Variants in CCDC138 observed in about 807,000 individuals in gnomAD.
CCDC138 encodes the protein coiled-coil domain-containing protein 138.
A neutral mutation model predicts 82.3 loss-of-function variants in CCDC138; 66 were observed. The ratio of observed to expected loss-of-function variants is 0.80; its 90% CI spans 0.66 to 0.98. The LOEUF is 0.98. CCDC138 is among the 50% of genes least tolerant of loss of function. The pLI, the probability that CCDC138 is intolerant of heterozygous loss-of-function variation, is 0.00. For synonymous variants in CCDC138, 297 were observed against 265.4 expected (o/e 1.12, Z -1.16); for missense variants, 816 against 758.9 (o/e 1.08, Z -0.88).
intron 1 of CCDC138, among the ~76,000 whole-genome samples, chr2:108,787,660 T>C (rs1045890839): frequency 6.6e-6 from 1 of 152,234 alleles, no homozygotes; most frequent in Non-Finnish European, 1.5e-5. Flanking sequence ...ATTGTCCTTT[T>C]TGTTGCCTTT....
chr2:108,790,977 A>G (rs891483366), intron 3 of CCDC138, among the ~76,000 whole-genome samples: 12 of 151,818 alleles, frequency 7.9e-5, no homozygotes, highest in African/African-American at 2.7e-4. Context: ...GTCCAGGCTG[A>G]TCTTGAACTC....
chr2:108,835,495 A>G (rs918917548), intron 10 of CCDC138, among the ~76,000 whole-genome samples: 1 of 152,222 alleles, frequency 6.6e-6, no homozygotes, highest in African/African-American at 2.4e-5. Context: ...CAGCGATATG[A>G]TAACACATGA....
intron 13 of CCDC138, among the ~76,000 whole-genome samples, chr2:108,870,264 G>T (rs1197616192): frequency 6.6e-6 from 1 of 152,104 alleles, no homozygotes; most frequent in Non-Finnish European, 1.5e-5. Context: ...ACAGGCAAAA[G>T]AAAGAATCAG....
chr2:108,847,403 C>G lies in CCDC138; in HGVS notation c.1516+473C>G, dbSNP rs372039767. 5.3e-5 allele frequency among the ~76,000 whole-genome samples: 8 copies of G among 152,264 alleles called. No individual in the cohort carries two copies. The East Asian group carries it at 1.2e-3, about 22-fold the overall frequency. On this transcript the variant is annotated intron_variant, in intron 12 of 14. Coordinates refer to ENST00000295124, the MANE Select transcript of CCDC138 (RefSeq NM_144978.3). ...TGGCAGCAGAGACTGTATGGCCCCC[C>G]AAAGCCTATAATACTGTCATCTGGC... is the stretch of plus-strand genomic sequence containing the variant.
At chr2:108,851,425 C>G (rs1022211071) in intron 12 of CCDC138, among the ~76,000 whole-genome samples, 8 of 152,136 alleles carry the variant, frequency 5.3e-5, no homozygotes, top group African/African-American at 1.9e-4. Flanking sequence ...CCTCAGCCTC[C>G]CGAGTAGCTG....
intron 11 of CCDC138, among the ~76,000 whole-genome samples, chr2:108,845,415 G>A (rs1227627314): frequency 6.6e-6 from 1 of 151,886 alleles, no homozygotes; most frequent in African/African-American, 2.4e-5. Context: ...GGAACCAGTT[G>A]GTCACAAATT....
At chr2:108,870,655 A>G (rs1695091270) in intron 13 of CCDC138, among the ~76,000 whole-genome samples, 1 of 152,238 alleles carries the variant, frequency 6.6e-6, no homozygotes, top group South Asian at 2.1e-4. Context: ...AGTCTAAGAA[A>G]TGAAGTTCTG....
At chr2:108,795,410 G>A (rs2149492867) in intron 5 of CCDC138, among the ~76,000 whole-genome samples, 1 of 152,140 alleles carries the variant, frequency 6.6e-6, no homozygotes, top group South Asian at 2.1e-4. Context: ...CCCCCACTTG[G>A]CCTCCCAAAG....
intron 6 of CCDC138, among the ~76,000 whole-genome samples, chr2:108,799,054 G>A (rs958149219): frequency 1.1e-4 from 16 of 151,788 alleles, no homozygotes; most frequent in African/African-American, 3.6e-4. Context: ...TTTGTGGGGC[G>A]GGGGGGTTGT....
intron 10 of CCDC138, among the ~76,000 whole-genome samples, chr2:108,831,040 T>C (rs2150247040): frequency 6.6e-6 from 1 of 152,170 alleles, no homozygotes; most frequent in East Asian, 1.9e-4. Flanking sequence ...CCAGGCATGG[T>C]GGTGCATAAC....
At chr2:108,814,883 G>A (rs558391554) in intron 9 of CCDC138, among the ~76,000 whole-genome samples, 6 of 152,032 alleles carry the variant, frequency 3.9e-5, no homozygotes, top group African/African-American at 1.2e-4. Context: ...TGATCCACCT[G>A]CCTCTGCCTC....
chr2:108,830,740 A>G (rs1687427464), intron 10 of CCDC138, among the ~76,000 whole-genome samples: 1 of 152,032 alleles, frequency 6.6e-6, no homozygotes. Context: ...CCCAGGAGGC[A>G]GAGGTTGCAG....
At chr2:108,786,987 G>A (rs1316701257) in intron 1 of CCDC138, 72 bp downstream of exon 1, 1 of 1,086,008 alleles carries the variant, frequency 9.2e-7, no homozygotes, top group Non-Finnish European at 1.2e-6. Context: ...GCCCCGCGCA[G>A]CCGGCCTGGG....
intron 5 of CCDC138, among the ~76,000 whole-genome samples, chr2:108,796,400 A>G (rs1387692499): frequency 2.0e-5 from 3 of 152,228 alleles, no homozygotes; most frequent in African/African-American, 7.2e-5. Flanking sequence ...CTTTGTAAGT[A>G]CAGCCACTGT....
Position 108,798,579 on chromosome 2 carries a change from T to C in CCDC138, c.728T>C (p.Ile243Thr), listed in dbSNP as rs569254736. Residue 243 changes from isoleucine (I) to threonine (T), a missense_variant, in exon 6 of 15, where the codon ATA becomes ACA. Ile to Thr is a moderately conservative substitution (Grantham distance 89). Transcript: ENST00000295124. ...EEEVLTRFQI[I>T]KEQHDAEVEH... ...GAGGTTCTTACAAGATTTCAAATTA[T>C]AAAAGAGGTAACTATATAGCCTTTG... is the stretch of plus-strand genomic sequence containing the variant. The C allele has an allele frequency of 6.2e-6, 10 of 1,604,514 alleles. No homozygotes were observed. The highest frequency in any genetic ancestry group is 8.5e-6 in the Non-Finnish European group (10 of 1,174,672).
downstream of CCDC138, among the ~76,000 whole-genome samples, chr2:108,881,117 A>G (rs77976263): frequency 0.018 from 2,781 of 152,344 alleles, 72 homozygotes; most frequent in African/African-American, 0.064. Context: ...GTCTTCCAAT[A>G]GAAGGCTGTT....
Position 108,798,505 on chromosome 2 carries a change from G to C in CCDC138, c.654G>C (p.Leu218=), listed in dbSNP as rs1483565120. The part of the protein sequence containing the change: ...RERFLLEREQ[L]LFRHENALSK... ...GTTTTTTACTTGAAAGAGAACAACT[G>C]CTTTTCAGACATGAAAATGCCTTGA... Residue 218 remains leucine, a synonymous_variant, in exon 6 of 15, where the codon CTG becomes CTC. Coordinates refer to ENST00000295124, the MANE Select transcript of CCDC138 (RefSeq NM_144978.3). 1.2e-6 allele frequency: 2 copies of C among 1,613,914 alleles called. No homozygotes were observed. Among genetic ancestry groups the C allele is most frequent in the Admixed American group, 3.3e-5 (2 of 59,974 alleles).
At chr2:108,863,260 C>T (rs551223506) in intron 13 of CCDC138, among the ~76,000 whole-genome samples, 2 of 152,248 alleles carry the variant, frequency 1.3e-5, no homozygotes, top group South Asian at 4.1e-4. Context: ...TGCAATATTT[C>T]TAACAAAGCA....
intron 5 of CCDC138, among the ~76,000 whole-genome samples, chr2:108,796,343 C>T (rs1235050104): frequency 6.6e-6 from 1 of 152,250 alleles, no homozygotes; most frequent in African/African-American, 2.4e-5. Context: ...CGTGAGCCAC[C>T]GCGCCTGGCC....
Sources: allele counts gnomAD v4.1 joint callset (sites outside exome capture counted in the v4.1 genomes callset), GRCh38; gene constraint gnomAD v4.1.1; transcripts MANE v1.5; gene names NCBI Gene and HGNC (gene_info 2026-07-23, HGNC 2026-07-21).